MDFIC: variants seen among roughly 807,000 people sequenced by gnomAD.
MDFIC encodes the protein MyoD family inhibitor domain containing, also known as myoD family inhibitor domain-containing protein.
A neutral mutation model predicts 23.2 loss-of-function variants in MDFIC; 17 were observed. The ratio of observed to expected loss-of-function variants is 0.73; its 90% confidence interval spans 0.50 to 1.10. The LOEUF (loss-of-function observed/expected upper bound fraction) is 1.10, where lower values mean the gene tolerates loss of function less well. MDFIC is among the 50% of genes least tolerant of loss of function. The pLI, the probability that MDFIC is intolerant of heterozygous loss-of-function variation, is 0.00. For synonymous variants in MDFIC, 120 were observed against 115.2 expected (o/e 1.04, Z -0.27); for missense variants, 356 against 316.6 (o/e 1.12, Z -0.95).
intron 4 of MDFIC, among the ~76,000 whole-genome samples, chr7:115,008,989 T>C (rs1357805627): frequency 6.6e-6 from 1 of 152,232 alleles, no homozygotes; most frequent in Non-Finnish European, 1.5e-5. Context: ...GTGGCGTTGA[T>C]GTTAAAGCTA....
In MDFIC at chr7:114,922,576, G is replaced by T; in HGVS notation, c.-168G>T. 1 of 1,269,098 alleles carries T rather than the reference G, an allele frequency of 7.9e-7. No individual in the cohort carries two copies. Among genetic ancestry groups the T allele is most frequent in the Non-Finnish European group, 1.0e-6 (1 of 1,000,268 alleles). The allele number at this position is 1,269,098 out of a possible 1,614,324, so 78.6% of individuals were successfully genotyped here. On this transcript the variant is annotated 5_prime_UTR_variant, in exon 1 of 5. Coordinates refer to ENST00000393486, the MANE Select transcript of MDFIC (RefSeq NM_001166345.3). ...CTGCCGGAGGCTCGCTAACTTTCCGGGGCGGAAGAGGAGGAGGAGGAGGAG... is the reference window on the plus strand; with the variant it reads ...CTGCCGGAGGCTCGCTAACTTTCCGTGGCGGAAGAGGAGGAGGAGGAGGAG...
chr7:114,980,032 ACTT>A (rs767103050), intron 4 of MDFIC: 3 of 502,744 alleles, frequency 6.0e-6, no homozygotes, highest in East Asian at 3.8e-5. Flanking sequence ...TAACTGCTAT[ACTT>A]CTTTTTTTAA....
chr7:114,934,166 T>C (rs1585092876), intron 2 of MDFIC, among the ~76,000 whole-genome samples: 1 of 152,330 alleles, frequency 6.6e-6, no homozygotes. Context: ...TAGCTGAAAC[T>C]GTATGTGAGA....
chr7:114,927,711 C>T (rs1230250257), intron 2 of MDFIC, among the ~76,000 whole-genome samples: 1 of 152,104 alleles, frequency 6.6e-6, no homozygotes, highest in Non-Finnish European at 1.5e-5. Context: ...CTCCAGTTTT[C>T]ACATGAGTTG....
At chr7:114,941,944 A>G (rs1792549315) in intron 2 of MDFIC, among the ~76,000 whole-genome samples, 1 of 152,138 alleles carries the variant, frequency 6.6e-6, no homozygotes, top group South Asian at 2.1e-4. Context: ...CCCTACATGC[A>G]TGGACTCACT....
intron 4 of MDFIC, among the ~76,000 whole-genome samples, chr7:114,994,895 G>T (rs956564115): frequency 6.6e-6 from 1 of 152,172 alleles, no homozygotes; most frequent in Non-Finnish European, 1.5e-5. Flanking sequence ...ACGTTGGCCT[G>T]CCTTGCTAGG....
chr7:114,979,891 A>G (rs924238983), intron 4 of MDFIC, 110 bp downstream of exon 4: 2 of 1,338,016 alleles, frequency 1.5e-6, no homozygotes, highest in South Asian at 1.2e-5. Context: ...TCCTTCAGAC[A>G]AACAGGAATT....
At chr7:114,951,309 T>C (rs1276400134) in intron 3 of MDFIC, among the ~76,000 whole-genome samples, 3 of 152,194 alleles carry the variant, frequency 2.0e-5, no homozygotes, top group Non-Finnish European at 4.4e-5. Flanking sequence ...GAATAGTAGT[T>C]TGATATTCTC....
chr7:114,982,792 A>G (rs541797515), intron 4 of MDFIC, among the ~76,000 whole-genome samples: 12 of 152,324 alleles, frequency 7.9e-5, no homozygotes, highest in Admixed American at 7.2e-4. Flanking sequence ...GAGCAAGATC[A>G]AGGTGCTGGC....
At chr7:114,967,917 C>T (rs1272193439) in intron 3 of MDFIC, among the ~76,000 whole-genome samples, 1 of 149,052 alleles carries the variant, frequency 6.7e-6, no homozygotes, top group African/African-American at 2.5e-5. Context: ...TAGCCTAGAC[C>T]TCCCAGTCTC....
Position 115,016,393 on chromosome 7 carries a change from G to C in MDFIC, c.*458G>C, listed in dbSNP as rs963876442. The C allele has an allele frequency of 1.8e-5, 3 of 162,168 alleles. No homozygotes were observed. Among genetic ancestry groups the C allele is most frequent in the Middle Eastern group, 3.2e-3 (1 of 312 alleles). The allele number at this position is 162,168 out of a possible 1,614,324, so 10.0% of individuals were successfully genotyped here. On this transcript the variant is annotated 3_prime_UTR_variant, in exon 5 of 5. Transcript: ENST00000393486. ...TACACCTGTAACCCTGGCATTTTGG[G>C]AGGCCAAGGTGGGCAGATTGCCTGA...
chr7:114,935,473 C>T lies in MDFIC; in HGVS notation c.95-6802C>T, dbSNP rs1792407436. On this transcript the variant is annotated intron_variant, in intron 2 of 4. Coordinates refer to ENST00000393486, the MANE Select transcript of MDFIC (RefSeq NM_001166345.3). ...GCCAATCAACATAATTTGTATTAGTCTTTCTTGAAGTAAGCAAATAAAGTA... is the reference window on the plus strand; with the variant it reads ...GCCAATCAACATAATTTGTATTAGTTTTTCTTGAAGTAAGCAAATAAAGTA... Among the ~76,000 whole-genome samples the T allele has an allele frequency of 2.0e-5, 3 of 151,264 alleles. No individual in the cohort carries two copies. The South Asian group carries it at 6.2e-4, about 31-fold the overall frequency.
intron 3 of MDFIC, among the ~76,000 whole-genome samples, chr7:114,978,601 G>A (rs898710680): frequency 2.6e-5 from 4 of 151,882 alleles, no homozygotes; most frequent in African/African-American, 9.7e-5. Context: ...GCTTACAGGA[G>A]CATTGTTGAT....
intron 3 of MDFIC, among the ~76,000 whole-genome samples, chr7:114,955,944 T>C (rs1334849912): frequency 6.6e-6 from 1 of 152,174 alleles, no homozygotes; most frequent in African/African-American, 2.4e-5. Flanking sequence ...AAGACTGAGC[T>C]CAGAAAAGTC....
chr7:114,942,515 A>G, intron 3 of MDFIC, 118 bp downstream of exon 3: 1 of 763,140 alleles, frequency 1.3e-6, no homozygotes, highest in East Asian at 3.3e-5. Flanking sequence ...CGTTTATCTA[A>G]AAGTGGTTTC....
At chr7:114,974,828 T>C (rs753476774) in intron 3 of MDFIC, among the ~76,000 whole-genome samples, 2 of 152,086 alleles carry the variant, frequency 1.3e-5, no homozygotes, top group East Asian at 3.9e-4. Context: ...ATTGAAAACA[T>C]TTGAACCTAG....
In MDFIC at chr7:114,979,796, T is replaced by C. The variant is rs1418801466; in HGVS notation, c.493+15T>C. 1 of 1,608,996 alleles carries C rather than the reference T, an allele frequency of 6.2e-7. No homozygotes were observed. The highest frequency in any genetic ancestry group is 8.5e-7 in the Non-Finnish European group (1 of 1,176,430). On this transcript the variant is annotated intron_variant, in intron 4 of 4. Transcript: ENST00000393486. ...TTCACCTGAAGGTAAGTTTGAGATA[T>C]ATGTAGATTTTATTTGACCAGATGT...
chr7:115,007,927 G>A (rs1791605490), intron 4 of MDFIC, among the ~76,000 whole-genome samples: 1 of 149,878 alleles, frequency 6.7e-6, no homozygotes, highest in Non-Finnish European at 1.5e-5. Context: ...AAACTCCTGG[G>A]CTCAAGGGAT....
chr7:114,922,294 A>G lies in MDFIC; in HGVS notation c.-450A>G, dbSNP rs1310039906. 3 of 855,570 alleles carry G rather than the reference A, an allele frequency of 3.5e-6. No homozygotes were observed. The highest frequency in any genetic ancestry group is 3.3e-5 in the East Asian group (1 of 29,978). The allele number at this position is 855,570 out of a possible 1,614,324, so 53.0% of individuals were successfully genotyped here. A position where few individuals can be genotyped will look rare whatever the true frequency, so the allele number is the denominator to read the frequency against. Reference sequence around the variant, plus strand: ...TCCCGATCCGGATGTGATGAAAAAGAGCAACAGAGGGAGAAGTGTTTCAGG... The same window carrying G: ...TCCCGATCCGGATGTGATGAAAAAGGGCAACAGAGGGAGAAGTGTTTCAGG... On this transcript the variant is annotated 5_prime_UTR_variant, in exon 1 of 5. Coordinates refer to ENST00000393486, the MANE Select transcript of MDFIC (RefSeq NM_001166345.3).
Sources: gnomAD v4.1 joint callset for allele counts (sites outside exome capture counted in the v4.1 genomes callset) on GRCh38, gnomAD v4.1.1 for gene constraint, MANE v1.5 for transcripts, NCBI Gene and HGNC (gene_info 2026-07-23, HGNC 2026-07-21) for gene names.